Variants in PLCH1 observed in about 807,000 individuals in gnomAD.
PLCH1 encodes phospholipase C eta 1, also known as 1-phosphatidylinositol 4,5-bisphosphate phosphodiesterase eta-1.
PLCH1 carries 60 observed loss-of-function variants against 126.7 expected under a neutral mutation model. The ratio of observed to expected loss-of-function variants is 0.47; its 90% CI spans 0.38 to 0.59. The LOEUF (loss-of-function observed/expected upper bound fraction) is 0.59. PLCH1 is among the 20% of genes least tolerant of loss of function. The pLI is 0.00. For synonymous variants in PLCH1, 719 were observed against 734.9 expected, an observed-to-expected ratio of 0.98 and a Z score of 0.35; for missense variants, 1,723 against 2,040.0, an observed-to-expected ratio of 0.84 and a Z score of 2.99.
chr3:155,700,924 T>G (rs909576693), intron 2 of PLCH1, among the ~76,000 whole-genome samples: 2 of 152,110 alleles, frequency 1.3e-5, no homozygotes, highest in Non-Finnish European at 2.9e-5. Context: ...ATCAGAAGAA[T>G]AAAAGTCAAG....
At chr3:155,594,263 A>C (rs1048122273) in intron 3 of PLCH1, 79 bp from the exon 4 acceptor site, 127 of 1,338,144 alleles carry the variant, frequency 9.5e-5, no homozygotes, top group Non-Finnish European at 1.2e-4. Flanking sequence ...CAAGAAAAGC[A>C]AAATCATTTT....
At chr3:155,570,094 A>T (rs150944321) in intron 6 of PLCH1, among the ~76,000 whole-genome samples, 46 of 152,270 alleles carry the variant, frequency 3.0e-4, no homozygotes, top group Admixed American at 2.4e-3. Flanking sequence ...GGTATTAAGG[A>T]TTGACTCTTT....
intron 21 of PLCH1, among the ~76,000 whole-genome samples, chr3:155,463,476 G>C (rs978436665): frequency 6.6e-6 from 1 of 152,188 alleles, no homozygotes. Flanking sequence ...AAAGGCAATG[G>C]TGTGTAGGGG....
At chr3:155,470,024 C>T (rs1199086405) in intron 21 of PLCH1, among the ~76,000 whole-genome samples, 3 of 152,144 alleles carry the variant, frequency 2.0e-5, no homozygotes, top group Admixed American at 6.6e-5. Flanking sequence ...AACGCCTCTC[C>T]TCCTCCAAAG....
At chr3:155,544,487 A>G (rs1182558105) in intron 10 of PLCH1, among the ~76,000 whole-genome samples, 2 of 152,180 alleles carry the variant, frequency 1.3e-5, no homozygotes, top group South Asian at 2.1e-4. Context: ...ACGAGACAGA[A>G]AGTTAACAAG....
At chr3:155,691,881 G>A in intron 2 of PLCH1, among the ~76,000 whole-genome samples, 1 of 152,066 alleles carries the variant, frequency 6.6e-6, no homozygotes, top group Admixed American at 6.6e-5. Flanking sequence ...CCTTCCCAAA[G>A]TATTTCTACT....
chr3:155,559,737 A>G (rs962963674), intron 8 of PLCH1, among the ~76,000 whole-genome samples: 2 of 152,190 alleles, frequency 1.3e-5, no homozygotes, highest in Non-Finnish European at 2.9e-5. Flanking sequence ...TGGAGAAGGT[A>G]ACCTTTTGGA....
At position 155,720,438 on chromosome 3, in the gene PLCH1, T is replaced by G. The variant is rs184775183; in HGVS notation, c.-40-16174A>C. On this transcript the variant is annotated intron_variant, in intron 1 of 22. Transcript: ENST00000460012. ...TTGCAGGAGTAAGGTGGTATTGCAT[T>G]GTGGTTTTGATTTGCATTTCCCTGA... 1.5e-4 allele frequency among the ~76,000 whole-genome samples: 23 copies of G among 152,320 alleles called. No individual in the cohort carries two copies. In the East Asian group the frequency reaches 4.4e-3, roughly 29 times the overall value.
intron 2 of PLCH1, among the ~76,000 whole-genome samples, chr3:155,638,362 C>T (rs1738981268): frequency 6.6e-6 from 1 of 152,172 alleles, no homozygotes; most frequent in Admixed American, 6.5e-5. Context: ...ACACCATATA[C>T]CTTTAACCAT....
chr3:155,629,803 T>C (rs1737813628), intron 2 of PLCH1, among the ~76,000 whole-genome samples: 1 of 152,216 alleles, frequency 6.6e-6, no homozygotes, highest in Admixed American at 6.5e-5. Flanking sequence ...CCTCCTGCCC[T>C]TCTTTCCAAA....
intron 10 of PLCH1, among the ~76,000 whole-genome samples, chr3:155,541,143 A>G (rs1025894598): frequency 3.3e-5 from 5 of 152,188 alleles, no homozygotes; most frequent in African/African-American, 1.2e-4. Context: ...CAGGAATGGA[A>G]AACAAAACAT....
intron 4 of PLCH1, among the ~76,000 whole-genome samples, chr3:155,591,860 A>G (rs1732221239): frequency 6.6e-6 from 1 of 151,994 alleles, no homozygotes; most frequent in Non-Finnish European, 1.5e-5. Flanking sequence ...ATGTGTCACC[A>G]CACCTGGCTA....
intron 12 of PLCH1, among the ~76,000 whole-genome samples, chr3:155,505,886 G>C (rs910442929): frequency 1.9e-4 from 28 of 148,382 alleles, no homozygotes; most frequent in African/African-American, 5.5e-4. Context: ...CTCTTCTCTT[G>C]GTCCGCTTTT....
intron 2 of PLCH1, among the ~76,000 whole-genome samples, chr3:155,635,140 T>TA (rs60547934): frequency 7.8e-4 from 115 of 147,376 alleles, no homozygotes; most frequent in Middle Eastern, 3.4e-3. Context: ...ATTTCTTAAT[T>TA]AAAAAAAAAA....
At chr3:155,496,386 A>G (rs1235854782) in intron 15 of PLCH1, among the ~76,000 whole-genome samples, 8 of 152,188 alleles carry the variant, frequency 5.3e-5, no homozygotes, top group Non-Finnish European at 1.5e-5. Context: ...TGAGAATCCT[A>G]CAGGTTCTCA....
intron 2 of PLCH1, among the ~76,000 whole-genome samples, chr3:155,660,416 G>C (rs1741994780): frequency 6.6e-6 from 1 of 152,156 alleles, no homozygotes; most frequent in African/African-American, 2.4e-5. Context: ...GCTATTTCCA[G>C]TCAACCCCTG....
intron 2 of PLCH1, among the ~76,000 whole-genome samples, chr3:155,632,658 CA>C (rs1738191112): frequency 6.6e-6 from 1 of 152,006 alleles, no homozygotes; most frequent in Non-Finnish European, 1.5e-5. Flanking sequence ...ATAAAAAAAA[CA>C]GTTCCTCATA....
intron 2 of PLCH1, among the ~76,000 whole-genome samples, chr3:155,670,941 A>G (rs1743363494): frequency 6.6e-6 from 1 of 152,198 alleles, no homozygotes; most frequent in East Asian, 1.9e-4. Context: ...AAGGAATATC[A>G]GGCCAACCTG....
intron 10 of PLCH1, among the ~76,000 whole-genome samples, chr3:155,525,291 G>T (rs191466715): frequency 1.8e-4 from 28 of 152,230 alleles, no homozygotes; most frequent in African/African-American, 6.7e-4. Context: ...TCACCCATAT[G>T]ATAGTATTAA....
Sources: gnomAD v4.1 joint callset for allele counts (sites outside exome capture counted in the v4.1 genomes callset) on GRCh38, gnomAD v4.1.1 for gene constraint, MANE v1.5 for transcripts, NCBI Gene and HGNC (gene_info 2026-07-23, HGNC 2026-07-21) for gene names.